Variants in MEGF8 observed in about 807,000 individuals in gnomAD.
The protein encoded by MEGF8 is multiple EGF like domains 8.
In MEGF8, 156 loss-of-function variants were observed where a neutral mutation model predicts 302.9. That is an observed-to-expected ratio of 0.52 (90% CI 0.45 to 0.59). MEGF8 has a LOEUF of 0.59. MEGF8 is among the 20% of genes least tolerant of loss of function. The pLI is 0.00. For missense variants in MEGF8, 3,345 were observed against 3,964.5 expected (o/e 0.84, Z 4.20); for synonymous variants, 1,621 against 1,660.5 (o/e 0.98, Z 0.58).
chr19:42,368,775 G>A lies in MEGF8; in HGVS notation c.6482-68G>A. On this transcript the variant is annotated intron_variant, in intron 36 of 41. Transcript: ENST00000251268. The surrounding 1 kb of genome is among the most constrained non-coding windows in gnomAD (Gnocchi z 4.9). ...GAGGTGGGGCTCAGAGGAGGCAGGA[G>A]GGAGGGCCTAGGCAACTGGGGCAGG... is the stretch of plus-strand genomic sequence containing the variant. The A allele has an allele frequency of 1.9e-6, 3 of 1,574,258 alleles. No homozygotes were observed. The highest frequency in any genetic ancestry group is 2.6e-6 in the Non-Finnish European group (3 of 1,159,292).
intron 39 of MEGF8, 24 bp downstream of exon 39, chr19:42,370,383 TG>T: frequency 6.5e-7 from 1 of 1,541,582 alleles, no homozygotes; most frequent in Non-Finnish European, 8.8e-7. Context: ...GTCAGATGCC[TG>T]GGTCTGAGGG....
Position 42,333,876 on chromosome 19 carries a change from A to G in MEGF8, c.351+108A>G. On this transcript the variant is annotated intron_variant, in intron 2 of 41. Coordinates refer to ENST00000251268, the MANE Select transcript of MEGF8 (RefSeq NM_001271938.2). ...CAAGAGCAGAGCACAGGGACAAGGG[A>G]AGGTGGAGAGAGGCAAAGGAAGGAG... 2.0e-6 allele frequency: 3 copies of G among 1,536,058 alleles called. No individual in the cohort carries two copies. The African/African-American group carries it at 4.1e-5, about 21-fold the overall frequency.
intron 8 of MEGF8, among the ~76,000 whole-genome samples, chr19:42,337,506 CTTT>C (rs908319656): frequency 7.4e-6 from 1 of 135,834 alleles, no homozygotes. Flanking sequence ...CTTTTCTTTT[CTTT>C]TTTTTTTTTT....
Position 42,376,975 on chromosome 19 carries a change from A to G in MEGF8, c.*200A>G, listed in dbSNP as rs759114641. On this transcript the variant is annotated 3_prime_UTR_variant, in exon 42 of 42. Coordinates refer to ENST00000251268, the MANE Select transcript of MEGF8 (RefSeq NM_001271938.2). The surrounding 1 kb of genome is among the most constrained non-coding windows in gnomAD (Gnocchi z 8.2). ...AGTACCTACTCTGTCAGGCACTGTCATAGGCGTGGGGCAAAGCAGGAACCA... is the reference window on the plus strand; with the variant it reads ...AGTACCTACTCTGTCAGGCACTGTCGTAGGCGTGGGGCAAAGCAGGAACCA... 2 of 532,334 alleles carry G rather than the reference A, an allele frequency of 3.8e-6. No individual in the cohort carries two copies. The highest frequency in any genetic ancestry group is 6.1e-6 in the Non-Finnish European group (2 of 328,168). 33.0% of individuals were successfully genotyped at this position (532,334 alleles called of 1,614,324 possible). A position where few individuals can be genotyped will look rare whatever the true frequency, so the allele number is the denominator to read the frequency against.
chr19:42,349,136 C>T (rs976554834), intron 13 of MEGF8, among the ~76,000 whole-genome samples: 6 of 151,838 alleles, frequency 4.0e-5, no homozygotes, highest in Admixed American at 3.9e-4. Flanking sequence ...ATCATCTCTC[C>T]AAAAAATACA....
chr19:42,338,821 A>AT (rs2039170415), intron 8 of MEGF8, among the ~76,000 whole-genome samples: 1 of 49,238 alleles, frequency 2.0e-5, no homozygotes, highest in Non-Finnish European at 4.3e-5. Flanking sequence ...TTTTCTTTCT[A>AT]TGTATTTTTT....
At chr19:42,330,522 T>TG (rs1354195624) in intron 1 of MEGF8, among the ~76,000 whole-genome samples, 19 of 152,114 alleles carry the variant, frequency 1.2e-4, no homozygotes, top group Admixed American at 3.9e-4. Context: ...AAAGCATGGG[T>TG]GGGGTCTGTG....
rs1449627912 is a variant in MEGF8 at position 42,375,048 on chromosome 19, G to A, written c.7270-459G>A. ...GCATCCAGGCAGGCAGGCGAGGCTGGCTGACCCTGCGCCGAGTGCCATGCA... is the reference window on the plus strand; with the variant it reads ...GCATCCAGGCAGGCAGGCGAGGCTGACTGACCCTGCGCCGAGTGCCATGCA... On this transcript the variant is annotated intron_variant, in intron 41 of 41. Transcript: ENST00000251268. The surrounding 1 kb of genome is among the most constrained non-coding windows in gnomAD (Gnocchi z 7.1). Among the ~76,000 whole-genome samples, 2 of 152,202 alleles carry A rather than the reference G, an allele frequency of 1.3e-5. No individual in the cohort carries two copies. Among genetic ancestry groups the A allele is most frequent in the Non-Finnish European group, 1.5e-5 (1 of 68,034 alleles).
rs770812017 is a variant in MEGF8 at position 42,368,515 on chromosome 19, C to A, written c.6334C>A (p.Arg2112=). 3.1e-6 allele frequency: 5 copies of A among 1,608,818 alleles called. No individual in the cohort carries two copies. The highest frequency in any genetic ancestry group is 1.1e-5 in the South Asian group (1 of 89,992). Residue 2112 remains arginine (R), a synonymous_variant, in exon 36 of 42, where the codon CGG becomes AGG. Coordinates refer to ENST00000251268, the MANE Select transcript of MEGF8 (RefSeq NM_001271938.2). The surrounding 1 kb of genome is among the most constrained non-coding windows in gnomAD (Gnocchi z 4.9). Reference sequence around the variant, plus strand: ...GGCCGGAGGCTGTGGGCGGCTGCTCCGGGGACCTGAGAGCTGCTCCCTGGG... The same window carrying A: ...GGCCGGAGGCTGTGGGCGGCTGCTCAGGGGACCTGAGAGCTGCTCCCTGGG... ...CMAGGCGRLL[R]GPESCSLGCA... is the part of the protein sequence containing the mutation.
intron 8 of MEGF8, among the ~76,000 whole-genome samples, chr19:42,342,661 G>A (rs1286351894): frequency 6.6e-6 from 1 of 151,712 alleles, no homozygotes; most frequent in Non-Finnish European, 1.5e-5. Flanking sequence ...GGAATTTCCT[G>A]GCTCACTTGA....
At chr19:42,361,871 T>G (rs2039536198) in intron 32 of MEGF8, among the ~76,000 whole-genome samples, 1 of 152,032 alleles carries the variant, frequency 6.6e-6, no homozygotes, top group Non-Finnish European at 1.5e-5. Flanking sequence ...GGTGGCTGCA[T>G]GGGCAGGAGG....
Position 42,351,318 on chromosome 19 carries a change from C to A in MEGF8, c.2839C>A (p.Pro947Thr), listed in dbSNP as rs1368035951. Residue 947 changes from proline (P) to threonine (T), a missense_variant, in exon 16 of 42, where the codon CCC becomes ACC. Transcript: ENST00000251268. The surrounding 1 kb of genome is among the most constrained non-coding windows in gnomAD (Gnocchi z 5.6). ...TGCCCTGAAGAGTCCAGAGGAGTGT[C>A]CCCCGCTCTGCAGCCAGTGAGTCAG... ...RGALKSPEEC[P>T]PLCSQRLTCE... 3 of 1,567,860 alleles carry A rather than the reference C, an allele frequency of 1.9e-6. No individual in the cohort carries two copies. Among genetic ancestry groups the A allele is most frequent in the Admixed American group, 1.9e-5 (1 of 52,546 alleles).
At chr19:42,330,466 G>A (rs2039041105) in intron 1 of MEGF8, among the ~76,000 whole-genome samples, 1 of 152,204 alleles carries the variant, frequency 6.6e-6, no homozygotes, top group East Asian at 1.9e-4. Context: ...AAGATTCTGG[G>A]AGGTCTGGTT....
intron 39 of MEGF8, 112 bp from the exon 40 acceptor site, chr19:42,370,589 C>A: frequency 1.6e-6 from 2 of 1,244,980 alleles, no homozygotes; most frequent in South Asian, 1.5e-5. Flanking sequence ...GGGGTGGGAG[C>A]CTGGCCTCCT....
intron 41 of MEGF8, among the ~76,000 whole-genome samples, chr19:42,372,473 C>T (rs1033436075): frequency 1.2e-4 from 18 of 152,106 alleles, no homozygotes; most frequent in South Asian, 2.1e-4. Flanking sequence ...GCCACCTCCC[C>T]GCCACCTTCT....
Position 42,376,029 on chromosome 19 carries a change from A to G in MEGF8, c.7792A>G (p.Ile2598Val). ...CCGCGGCGTGCGGGACCGGCTGGTC[A>G]TCACCTACCCACACGAGCACCATGC... ...VVRGVRDRLV[I>V]TYPHEHHALK... Residue 2598 changes from isoleucine (I) to valine (V), a missense_variant, in exon 42 of 42, where the codon ATC (isoleucine) becomes GTC (valine). By Grantham distance (29) the Ile-to-Val change is conservative (BLOSUM62 3). Coordinates refer to ENST00000251268, the MANE Select transcript of MEGF8 (RefSeq NM_001271938.2). This position sits in a 1 kb window ranked among gnomAD's most constrained non-coding sequence, Gnocchi z 8.2. 1.2e-6 allele frequency: 2 copies of G among 1,604,534 alleles called. No individual in the cohort carries two copies. Among genetic ancestry groups the G allele is most frequent in the Admixed American group, 1.7e-5 (1 of 59,768 alleles).
chr19:42,349,699 C>T lies in MEGF8; in HGVS notation c.2499C>T (p.Ser833=), dbSNP rs201202292. ...LWDRTGVPGG[S]EISFFFLEPY... is the part of the protein sequence containing the mutation. ...ATCGGACTGGTGTGCCAGGAGGCAGCGTGAGTACCCAGGACCTACCTCCAA... is the reference window on the plus strand; with the variant it reads ...ATCGGACTGGTGTGCCAGGAGGCAGTGTGAGTACCCAGGACCTACCTCCAA... Residue 833 remains serine (S), a splice_region_variant and synonymous_variant, in exon 14 of 42, where the codon AGC becomes AGT. Coordinates refer to ENST00000251268, the MANE Select transcript of MEGF8 (RefSeq NM_001271938.2). The T allele has an allele frequency of 1.8e-4, 288 of 1,611,040 alleles. No individual in the cohort carries two copies. The highest frequency in any genetic ancestry group is 2.9e-4 in the East Asian group (13 of 44,856).
intron 9 of MEGF8, 146 bp downstream of exon 9, chr19:42,343,777 C>T: frequency 7.4e-7 from 1 of 1,357,008 alleles, no homozygotes. Flanking sequence ...GTCCCTGGGG[C>T]AGAGGAAAGA....
intron 2 of MEGF8, 46 bp downstream of exon 2, chr19:42,333,814 G>A (rs762868023): frequency 1.2e-6 from 2 of 1,602,262 alleles, no homozygotes; most frequent in Admixed American, 3.4e-5. Context: ...GGAAATGGAA[G>A]AAGAAAGGAG....
Sources: gnomAD v4.1 joint callset for allele counts (sites outside exome capture counted in the v4.1 genomes callset) on GRCh38, gnomAD v4.1.1 for gene constraint, Gnocchi (gnomAD v3.1) non-coding constraint, MANE v1.5 for transcripts, NCBI Gene and HGNC (gene_info 2026-07-23, HGNC 2026-07-21) for gene names.